The following OR2L13 variants were observed in gnomAD, a reference collection of about 807,000 sequenced individuals.
OR2L13 encodes olfactory receptor family 2 subfamily L member 13, also known as olfactory receptor 2L13.
OR2L13 carries 14 observed loss-of-function variants against 15.3 expected under a neutral mutation model. The ratio of observed to expected loss-of-function variants is 0.91; its 90% confidence interval spans 0.60 to 1.43. The LOEUF (loss-of-function observed/expected upper bound fraction) is 1.43. Among genes scored for constraint, OR2L13 ranks in the 40% most tolerant of loss-of-function variants. The probability of loss-of-function intolerance (pLI) is 0.00; values close to 1 mark genes in which losing one functional copy is unlikely to be tolerated. For missense variants in OR2L13, 367 were observed against 387.9 expected, an observed-to-expected ratio of 0.95 and a Z score of 0.45; for synonymous variants, 152 against 142.9, an observed-to-expected ratio of 1.06 and a Z score of -0.45.
At chr1:248,038,766 T>C in the OR2L13 span, 8 of 1,614,056 alleles carry the variant, frequency 5.0e-6, no homozygotes, top group East Asian at 1.3e-4. Flanking sequence ...CTGTATCCCA[T>C]ATTGCAAGTC....
At chr1:247,939,886 A>G in the OR2L13 span, among the ~76,000 whole-genome samples, 2 of 152,184 alleles carry the variant, frequency 1.3e-5, no homozygotes, top group Non-Finnish European at 2.9e-5. Flanking sequence ...TAAGGCTTCC[A>G]CCACCCTCCC....
chr1:247,946,646 T>A, the OR2L13 span, among the ~76,000 whole-genome samples: 1 of 152,164 alleles, frequency 6.6e-6, no homozygotes, highest in Non-Finnish European at 1.5e-5. Context: ...AGACAATATG[T>A]TCATCTGCTA....
the OR2L13 span, chr1:247,965,693 C>T: frequency 1.3e-6 from 2 of 1,555,142 alleles, no homozygotes; most frequent in East Asian, 2.2e-5. Context: ...GTGTTCTTGG[C>T]CCTTGGTGGA....
the OR2L13 span, among the ~76,000 whole-genome samples, chr1:248,035,146 T>A: frequency 6.6e-6 from 1 of 151,886 alleles, no homozygotes; most frequent in Non-Finnish European, 1.5e-5. Flanking sequence ...TCTCCAAATC[T>A]TAGACTAAAA....
the OR2L13 span, chr1:248,022,351 T>C: frequency 6.2e-7 from 1 of 1,614,198 alleles, no homozygotes; most frequent in East Asian, 2.2e-5. Flanking sequence ...CCCATCCGTA[T>C]GAGCAAAAGA....
the OR2L13 span, among the ~76,000 whole-genome samples, chr1:247,999,174 G>T: frequency 1.3e-5 from 2 of 152,070 alleles, no homozygotes; most frequent in Non-Finnish European, 2.9e-5. Flanking sequence ...ATCAACAAAA[G>T]CTTACATTTC....
the OR2L13 span, among the ~76,000 whole-genome samples, chr1:248,001,183 T>A: frequency 6.6e-6 from 1 of 152,152 alleles, no homozygotes. Context: ...AGTTTCATCA[T>A]CTATAAAATG....
chr1:247,968,470 T>A, the OR2L13 span, among the ~76,000 whole-genome samples: 16 of 152,054 alleles, frequency 1.1e-4, no homozygotes, highest in African/African-American at 3.6e-4. Context: ...CATTAGATAT[T>A]TCTCCTAGTG....
chr1:248,038,346 T>C, the OR2L13 span: 3 of 1,613,396 alleles, frequency 1.9e-6, no homozygotes, highest in South Asian at 3.3e-5. Flanking sequence ...CCTTTTCGTA[T>C]TCACCCTCAT....
chr1:247,956,246 A>G, the OR2L13 span, among the ~76,000 whole-genome samples: 1 of 152,148 alleles, frequency 6.6e-6, no homozygotes, highest in South Asian at 2.1e-4. Flanking sequence ...CAAAGATCAG[A>G]GAGTTGTAGA....
chr1:247,946,702 T>C, the OR2L13 span, among the ~76,000 whole-genome samples: 1 of 152,146 alleles, frequency 6.6e-6, no homozygotes, highest in Admixed American at 6.6e-5. Context: ...ACCCATGATA[T>C]ATGCTAGCAT....
In OR2L13 at chr1:248,099,994, C is replaced by G. The variant is rs1295021300; in HGVS notation, c.619C>G (p.Leu207Val). Residue 207 changes from leucine (L) to valine (V), a missense_variant, in exon 3 of 3, where the codon CTT becomes GTT. Transcript: ENST00000641714. ...TTTTGTAAGTACAAGCCTCTTTCTC[C>G]TTTTCCCTTTCATTGGCATCACTTC... The G allele has an allele frequency of 1.2e-6, 2 of 1,614,048 alleles. No individual in the cohort carries two copies. Among genetic ancestry groups the G allele is most frequent in the East Asian group, 4.5e-5 (2 of 44,896 alleles).
the OR2L13 span, among the ~76,000 whole-genome samples, chr1:247,964,453 T>C: frequency 6.6e-6 from 1 of 152,194 alleles, no homozygotes; most frequent in African/African-American, 2.4e-5. Context: ...AGTATGAAAT[T>C]TGCACTCTAT....
At chr1:248,020,186 C>T in the OR2L13 span, among the ~76,000 whole-genome samples, 5 of 152,146 alleles carry the variant, frequency 3.3e-5, no homozygotes, top group Non-Finnish European at 5.9e-5. Flanking sequence ...TGCCCACTCT[C>T]ACCACTCCTC....
At chr1:248,015,072 G>T in the OR2L13 span, among the ~76,000 whole-genome samples, 11,981 of 152,050 alleles carry the variant, frequency 0.079, 657 homozygotes, top group Middle Eastern at 0.15. Context: ...GGACCTCAAT[G>T]GTAGGTTGTG....
chr1:248,008,214 C>A, the OR2L13 span, among the ~76,000 whole-genome samples: 1 of 152,108 alleles, frequency 6.6e-6, no homozygotes, highest in East Asian at 1.9e-4. Flanking sequence ...TAAGAATTAA[C>A]CCTTATTTTC....
At chr1:248,076,047 A>G in the OR2L13 span, among the ~76,000 whole-genome samples, 1 of 152,204 alleles carries the variant, frequency 6.6e-6, no homozygotes, top group Non-Finnish European at 1.5e-5. Context: ...GGAGGGATCC[A>G]GTTTCAGCTT....
At chr1:248,054,681 G>T in the OR2L13 span, among the ~76,000 whole-genome samples, 1 of 151,964 alleles carries the variant, frequency 6.6e-6, no homozygotes, top group African/African-American at 2.4e-5. Flanking sequence ...GTATTCCCAG[G>T]TATTTTATTA....
At chr1:247,978,253 A>G in the OR2L13 span, among the ~76,000 whole-genome samples, 1 of 152,136 alleles carries the variant, frequency 6.6e-6, no homozygotes, top group Admixed American at 6.5e-5. Context: ...ACTTCAGCTG[A>G]CATATGATTA....
Sources: allele counts gnomAD v4.1 joint callset (sites outside exome capture counted in the v4.1 genomes callset), GRCh38; gene constraint gnomAD v4.1.1; transcripts MANE v1.5; gene names NCBI Gene and HGNC (gene_info 2026-07-23, HGNC 2026-07-21).